The following LIPC variants were observed in gnomAD, a reference collection of about 807,000 sequenced individuals.
The protein encoded by LIPC is lipase C, hepatic type.
Under a neutral mutation model 50.7 loss-of-function variants are expected in LIPC, and 44 were observed. The ratio of observed to expected loss-of-function variants is 0.87; its 90% CI spans 0.68 to 1.11. The LOEUF (loss-of-function observed/expected upper bound fraction) is 1.11, where lower values mean the gene tolerates loss of function less well. Ranked by LOEUF, LIPC falls within the 50% of genes most tolerant of loss-of-function variation. The pLI, the probability that LIPC is intolerant of heterozygous loss-of-function variation, is 0.00. For missense variants in LIPC, 697 were observed against 648.2 expected (o/e 1.08, Z -0.82); for synonymous variants, 271 against 256.4 (o/e 1.06, Z -0.54).
chr15:58,437,540 A>G (rs761911745), intron 1 of LIPC, among the ~76,000 whole-genome samples: 8 of 152,304 alleles, frequency 5.3e-5, no homozygotes, highest in Admixed American at 1.3e-4. Context: ...ATGTACAAGA[A>G]AAATAAAATA....
intron 1 of LIPC, among the ~76,000 whole-genome samples, chr15:58,510,289 G>T (rs2140856004): frequency 6.6e-6 from 1 of 152,346 alleles, no homozygotes; most frequent in East Asian, 1.9e-4. Context: ...GGGCATGGTT[G>T]TGACATTGAT....
chr15:58,547,688 G>GTTTT (rs202022612), intron 5 of LIPC, among the ~76,000 whole-genome samples: 2 of 150,212 alleles, frequency 1.3e-5, no homozygotes, highest in South Asian at 4.2e-4. Context: ...AGCTTGTTTT[G>GTTTT]GGGGTGAGGC....
chr15:58,459,459 G>C (rs1177547746), intron 1 of LIPC, among the ~76,000 whole-genome samples: 1 of 148,546 alleles, frequency 6.7e-6, no homozygotes, highest in Non-Finnish European at 1.5e-5. Context: ...TCAAAACAAA[G>C]CTAAAAGTTC....
chr15:58,555,556 T>C (rs186604016), intron 6 of LIPC, among the ~76,000 whole-genome samples: 2 of 152,322 alleles, frequency 1.3e-5, no homozygotes, highest in East Asian at 3.9e-4. Flanking sequence ...TGGATAACTA[T>C]AGGTCTCCAA....
At chr15:58,441,525 A>G (rs1378766633) in intron 1 of LIPC, among the ~76,000 whole-genome samples, 1 of 152,168 alleles carries the variant, frequency 6.6e-6, no homozygotes, top group African/African-American at 2.4e-5. Flanking sequence ...AGACGTAAAC[A>G]TTCACCATCC....
Position 58,451,106 on chromosome 15 carries a change from C to T in LIPC, c.88+18986C>T, listed in dbSNP as rs184431934. 1.4e-4 allele frequency among the ~76,000 whole-genome samples: 21 copies of T among 152,268 alleles called. 1 individual carries two copies. In the East Asian group the frequency reaches 3.5e-3, roughly 25 times the overall value. The stretch of plus-strand genomic sequence containing the variant: ...AAGCCTAGTGGACTGGGCAAGCAAT[C>T]GGTTGGGATTCATTACTTGGAGGCA... On this transcript the variant is annotated intron_variant, in intron 1 of 8. Coordinates refer to ENST00000299022, the MANE Select transcript of LIPC (RefSeq NM_000236.3).
At position 58,453,198 on chromosome 15, in the gene LIPC, A is replaced by C. The variant is rs540582775; in HGVS notation, c.88+21078A>C. 4.6e-5 allele frequency among the ~76,000 whole-genome samples: 7 copies of C among 152,242 alleles called. No individual in the cohort carries two copies. In the East Asian group the frequency reaches 1.4e-3, roughly 29 times the overall value. The stretch of plus-strand genomic sequence containing the variant: ...GAGCCTCCTCTCTTCAGATGGCTAA[A>C]ACAGGCACAACCCCCACGTTGCCAC... On this transcript the variant is annotated intron_variant, in intron 1 of 8. Coordinates refer to ENST00000299022, the MANE Select transcript of LIPC (RefSeq NM_000236.3).
At chr15:58,490,822 A>G (rs1891561209) in intron 1 of LIPC, among the ~76,000 whole-genome samples, 1 of 152,124 alleles carries the variant, frequency 6.6e-6, no homozygotes, top group South Asian at 2.1e-4. Context: ...AACCACTGCC[A>G]GCCAGTTATT....
chr15:58,444,535 G>C (rs551901459), intron 1 of LIPC, among the ~76,000 whole-genome samples: 1 of 152,158 alleles, frequency 6.6e-6, no homozygotes, highest in Non-Finnish European at 1.5e-5. Flanking sequence ...TGAGAAGTCT[G>C]AGGTCAAGGG....
chr15:58,470,401 T>G (rs1001925202), intron 1 of LIPC, among the ~76,000 whole-genome samples: 4 of 152,026 alleles, frequency 2.6e-5, no homozygotes, highest in African/African-American at 7.3e-5. Context: ...TTATGAAGTT[T>G]TTGAAGTAAA....
chr15:58,566,648 C>A (rs553618041), intron 8 of LIPC, among the ~76,000 whole-genome samples: 166 of 152,084 alleles, frequency 1.1e-3, no homozygotes, highest in African/African-American at 3.7e-3. Flanking sequence ...TTTCTTCCCC[C>A]AAAGGCACAA....
intron 1 of LIPC, among the ~76,000 whole-genome samples, chr15:58,527,678 G>T (rs761058040): frequency 5.3e-5 from 8 of 152,180 alleles, no homozygotes; most frequent in Non-Finnish European, 1.0e-4. Flanking sequence ...ATAAGACCAT[G>T]AGCTTTTTGA....
intron 6 of LIPC, among the ~76,000 whole-genome samples, chr15:58,557,665 G>T (rs908381879): frequency 6.6e-6 from 1 of 152,102 alleles, no homozygotes; most frequent in Non-Finnish European, 1.5e-5. Flanking sequence ...GATTACAGGC[G>T]TGAGCCACCG....
intron 6 of LIPC, among the ~76,000 whole-genome samples, 176 bp downstream of exon 6, chr15:58,548,748 G>C (rs1277376418): frequency 6.6e-6 from 1 of 152,212 alleles, no homozygotes; most frequent in Non-Finnish European, 1.5e-5. Flanking sequence ...TGTCCCAAGA[G>C]TGTGGCCACC....
intron 1 of LIPC, among the ~76,000 whole-genome samples, chr15:58,444,866 G>A (rs1411616258): frequency 6.6e-6 from 1 of 152,228 alleles, no homozygotes; most frequent in Non-Finnish European, 1.5e-5. Flanking sequence ...TCCTGGGCTT[G>A]GCACTGGGCA....
At chr15:58,455,106 A>C (rs1473024703) in intron 1 of LIPC, 1 of 152,268 alleles carries the variant, frequency 6.6e-6, no homozygotes, top group Non-Finnish European at 1.5e-5. Context: ...GTGGGAGCTT[A>C]ACAGCAGCCA....
intron 1 of LIPC, among the ~76,000 whole-genome samples, chr15:58,533,580 G>A (rs1156366838): frequency 6.6e-6 from 1 of 152,160 alleles, no homozygotes; most frequent in Non-Finnish European, 1.5e-5. Context: ...TTCAACAATA[G>A]TGGAATAAGT....
chr15:58,556,140 A>G (rs1314913587), intron 6 of LIPC, among the ~76,000 whole-genome samples: 1 of 152,214 alleles, frequency 6.6e-6, no homozygotes, highest in African/African-American at 2.4e-5. Context: ...CTTAGTATGT[A>G]GCTTAACACA....
intron 1 of LIPC, among the ~76,000 whole-genome samples, chr15:58,514,016 T>C (rs1235157649): frequency 6.6e-6 from 1 of 152,156 alleles, no homozygotes; most frequent in African/African-American, 2.4e-5. Flanking sequence ...TGGAATATGA[T>C]GAGTGAAGCA....
Sources: allele counts gnomAD v4.1 joint callset (sites outside exome capture counted in the v4.1 genomes callset), GRCh38; gene constraint gnomAD v4.1.1; transcripts MANE v1.5; gene names NCBI Gene and HGNC (gene_info 2026-07-23, HGNC 2026-07-21).